The following AFG1L variants were observed in gnomAD, a reference collection of about 807,000 sequenced individuals.
The protein encoded by AFG1L is AFG1-like ATPase.
A neutral mutation model predicts 62.2 loss-of-function variants in AFG1L; 53 were observed. The ratio of observed to expected loss-of-function variants is 0.85; its 90% confidence interval spans 0.68 to 1.07. The LOEUF is 1.07. Among genes scored for constraint, AFG1L ranks in the 50% least tolerant of loss-of-function variants. The probability of loss-of-function intolerance (pLI) is 0.00; values close to 1 mark genes in which losing one functional copy is unlikely to be tolerated. For missense variants in AFG1L, 555 were observed against 590.5 expected (o/e 0.94, Z 0.62); for synonymous variants, 228 against 210.3 (o/e 1.08, Z -0.73).
At chr6:108,306,642 C>T (rs967659089) in intron 1 of AFG1L, among the ~76,000 whole-genome samples, 17 of 152,090 alleles carry the variant, frequency 1.1e-4, no homozygotes, top group African/African-American at 3.9e-4. Context: ...TTGTTGCCAC[C>T]CATATGCTAC....
intron 10 of AFG1L, among the ~76,000 whole-genome samples, chr6:108,500,868 G>C (rs1774168882): frequency 6.6e-6 from 1 of 152,070 alleles, no homozygotes. Context: ...TGAGATGATA[G>C]CTCATTGTGG....
chr6:108,402,749 C>T (rs1040765596), intron 7 of AFG1L, among the ~76,000 whole-genome samples: 5 of 151,890 alleles, frequency 3.3e-5, no homozygotes, highest in African/African-American at 1.2e-4. Context: ...GTTTAATGTT[C>T]CCTGTTTCCT....
At chr6:108,295,884 G>C (rs1454288118) in intron 1 of AFG1L, 1 of 152,170 alleles carries the variant, frequency 6.6e-6, no homozygotes, top group Admixed American at 6.5e-5. Context: ...TCAAAGGCAA[G>C]GACATTGTGT....
chr6:108,484,434 A>G (rs1773444336), intron 10 of AFG1L, among the ~76,000 whole-genome samples: 1 of 152,140 alleles, frequency 6.6e-6, no homozygotes, highest in South Asian at 2.1e-4. Context: ...TCTTTTGTCT[A>G]CCTTTCCCCA....
chr6:108,380,381 G>A (rs1319918923), intron 6 of AFG1L, among the ~76,000 whole-genome samples: 1 of 152,162 alleles, frequency 6.6e-6, no homozygotes, highest in African/African-American at 2.4e-5. Flanking sequence ...GCTGCACCAT[G>A]ATCTCAGGGA....
At chr6:108,318,427 T>G (rs1777687258) in intron 1 of AFG1L, 1 of 222,912 alleles carries the variant, frequency 4.5e-6, no homozygotes, top group Non-Finnish European at 9.2e-6. Context: ...TTTTGTTTTA[T>G]TATGCAGATA....
intron 7 of AFG1L, among the ~76,000 whole-genome samples, chr6:108,421,313 C>T (rs1452328425): frequency 6.6e-6 from 1 of 152,092 alleles, no homozygotes; most frequent in Non-Finnish European, 1.5e-5. Context: ...TGAGGAAACT[C>T]TAAAAAGCCA....
At chr6:108,300,675 CTT>C (rs397965721) in intron 1 of AFG1L, among the ~76,000 whole-genome samples, 9 of 141,360 alleles carry the variant, frequency 6.4e-5, no homozygotes, top group East Asian at 2.0e-4. Context: ...TTTGAACTTA[CTT>C]TTTTTTTTTT....
At chr6:108,373,930 G>A (rs1020935451) in intron 6 of AFG1L, among the ~76,000 whole-genome samples, 2 of 152,120 alleles carry the variant, frequency 1.3e-5, no homozygotes, top group Non-Finnish European at 2.9e-5. Context: ...TTCCACAGTG[G>A]CTGAACTAAT....
At chr6:108,303,172 A>G (rs1384572733) in intron 1 of AFG1L, among the ~76,000 whole-genome samples, 1 of 152,124 alleles carries the variant, frequency 6.6e-6, no homozygotes, top group African/African-American at 2.4e-5. Flanking sequence ...TCAGCCTTCC[A>G]AAATGTTGGG....
At chr6:108,446,465 A>G (rs192094267) in intron 7 of AFG1L, among the ~76,000 whole-genome samples, 4 of 148,536 alleles carry the variant, frequency 2.7e-5, no homozygotes, top group East Asian at 3.9e-4. Context: ...GTGGACACTA[A>G]TGTTCTGGCC....
intron 1 of AFG1L, chr6:108,319,840 G>C: frequency 2.5e-6 from 1 of 406,210 alleles, no homozygotes; most frequent in South Asian, 1.8e-5. Flanking sequence ...AATATGCTCT[G>C]TGGATGGTAG....
intron 10 of AFG1L, among the ~76,000 whole-genome samples, chr6:108,488,890 A>T (rs1259417770): frequency 6.6e-6 from 1 of 152,106 alleles, no homozygotes; most frequent in African/African-American, 2.4e-5. Context: ...TGGCAATTAC[A>T]GAGTATATTC....
chr6:108,442,956 C>A (rs932504852), intron 7 of AFG1L, among the ~76,000 whole-genome samples: 9 of 152,142 alleles, frequency 5.9e-5, no homozygotes, highest in African/African-American at 1.9e-4. Context: ...GATAAACAGC[C>A]CTCAGCCCTT....
chr6:108,432,913 G>A (rs1002940228), intron 7 of AFG1L, among the ~76,000 whole-genome samples: 1 of 152,196 alleles, frequency 6.6e-6, no homozygotes, highest in Non-Finnish European at 1.5e-5. Context: ...CCTGCCACTG[G>A]CATTGGTTCA....
chr6:108,334,307 G>A (rs56774334), intron 2 of AFG1L, among the ~76,000 whole-genome samples: 1 of 151,824 alleles, frequency 6.6e-6, no homozygotes, highest in Admixed American at 6.6e-5. Flanking sequence ...GCCTGGCAGG[G>A]TTAATTGATT....
At chr6:108,517,295 C>G (rs1202187801) in intron 11 of AFG1L, among the ~76,000 whole-genome samples, 5 of 152,034 alleles carry the variant, frequency 3.3e-5, no homozygotes, top group Non-Finnish European at 5.9e-5. Flanking sequence ...TTACTGGTAC[C>G]AAAACAGAGA....
chr6:108,430,871 G>A (rs936783730), intron 7 of AFG1L, among the ~76,000 whole-genome samples: 1 of 152,152 alleles, frequency 6.6e-6, no homozygotes, highest in Admixed American at 6.5e-5. Context: ...ATGAACAGAA[G>A]TAACTCTTCA....
At chr6:108,326,423 G>A (rs1265178569) in intron 2 of AFG1L, among the ~76,000 whole-genome samples, 2 of 152,046 alleles carry the variant, frequency 1.3e-5, no homozygotes, top group African/African-American at 2.4e-5. Context: ...CATCAGCTTT[G>A]AGCTTTTGTT....
Sources: gnomAD v4.1 joint callset for allele counts (sites outside exome capture counted in the v4.1 genomes callset) on GRCh38, gnomAD v4.1.1 for gene constraint, MANE v1.5 for transcripts, NCBI Gene and HGNC (gene_info 2026-07-23, HGNC 2026-07-21) for gene names.